The following HGS variants were observed in gnomAD, a reference collection of about 807,000 sequenced individuals.
HGS encodes the protein human growth factor-regulated tyrosine kinase substrate.
A neutral mutation model predicts 109.7 loss-of-function variants in HGS; 63 were observed. The ratio of observed to expected loss-of-function variants is 0.57; its 90% CI spans 0.47 to 0.71. The LOEUF (loss-of-function observed/expected upper bound fraction) is 0.71. Ranked by LOEUF, HGS falls within the 30% of genes least tolerant of loss-of-function variation. The pLI is 0.00. For missense variants in HGS, 995 were observed against 1,068.3 expected, an observed-to-expected ratio of 0.93 and a Z score of 0.96; for synonymous variants, 546 against 437.3, an observed-to-expected ratio of 1.25 and a Z score of -3.10.
rs1446756811 is a variant in HGS, at chr17:81,691,181, T to G, written c.538-266T>G. Reference sequence around the variant, plus strand: ...CACTGCACTCACAAAAGCTCTTGTTTTATCAGCAGAATTGATGTGTATTTT... The same window carrying G: ...CACTGCACTCACAAAAGCTCTTGTTGTATCAGCAGAATTGATGTGTATTTT... On this transcript the variant is annotated intron_variant, in intron 7 of 21. Coordinates refer to ENST00000329138, the MANE Select transcript of HGS (RefSeq NM_004712.5). The surrounding 1 kb of genome is among the most constrained non-coding windows in gnomAD (Gnocchi z 5.3). 6 of 495,120 alleles carry G rather than the reference T, an allele frequency of 1.2e-5. No homozygotes were observed. Among genetic ancestry groups the G allele is most frequent in the Non-Finnish European group, 3.7e-6 (1 of 272,078 alleles). 30.7% of individuals were successfully genotyped at this position (495,120 alleles called of 1,614,324 possible).
chr17:81,684,166 T>G, intron 1 of HGS, 63 bp downstream of exon 1: 10 of 1,269,870 alleles, frequency 7.9e-6, no homozygotes, highest in Non-Finnish European at 9.3e-6. Flanking sequence ...CGGCGCTGAG[T>G]CAGCGCGGCC....
rs1197317754 is a variant in HGS, at chr17:81,687,086, C to G, written c.282C>G (p.Asp94Glu). 1.9e-6 allele frequency: 3 copies of G among 1,612,622 alleles called. No homozygotes were observed. The highest frequency in any genetic ancestry group is 2.5e-6 in the Non-Finnish European group (3 of 1,179,526). ...ANKQTMEELK[D>E]LLKRQVEVNV... ...AGCAGACCATGGAGGAGCTGAAGGA[C>G]CTGCTGAAGGTGGGTGAGACGGGGG... The change falls in exon 4 of 22, where the codon GAC becomes GAG. Residue 94 changes from aspartate (D) to glutamate (E), a missense_variant. Coordinates refer to ENST00000329138, the MANE Select transcript of HGS (RefSeq NM_004712.5).
chr17:81,697,500 G>C (rs2037172662), intron 18 of HGS: 1 of 152,764 alleles, frequency 6.5e-6, no homozygotes, highest in Non-Finnish European at 1.5e-5. Context: ...CCATAAGGCT[G>C]TGCTTTTCTC....
In HGS at chr17:81,693,631, T is replaced by C. The variant is rs554885096; in HGVS notation, c.742-23T>C. On this transcript the variant is annotated intron_variant, in intron 9 of 21. Transcript: ENST00000329138. ...GGCACCTCTTCCCCGGCGCCCCCCC[T>C]CACCCTCCCCGCTTGTCCTCAGCTG... is the stretch of plus-strand genomic sequence containing the variant. 17 of 1,267,156 alleles carry C rather than the reference T, an allele frequency of 1.3e-5. No homozygotes were observed. The African/African-American group carries it at 2.2e-4, about 16-fold the overall frequency. The allele number at this position is 1,267,156 out of a possible 1,614,324, so 78.5% of individuals were successfully genotyped here.
chr17:81,701,612 C>G lies in HGS; in HGVS notation c.2328C>G (p.Phe776Leu). ...AQGSEAQLIS[F>L]D ...GCAGCGAGGCCCAGCTCATTTCATT[C>G]GACTGACCCAGGCCATGCTCACGTC... The change falls in exon 22 of 22, where the codon TTC becomes TTG. Residue 776 changes from phenylalanine to leucine, a missense_variant. Transcript: ENST00000329138. 5 of 1,564,200 alleles carry G rather than the reference C, an allele frequency of 3.2e-6. No homozygotes were observed. The highest frequency in any genetic ancestry group is 4.3e-6 in the Non-Finnish European group (5 of 1,161,676).
rs554750460 is a variant in HGS, at chr17:81,693,422, C to G, written c.663-81C>G. On this transcript the variant is annotated intron_variant, in intron 8 of 21. Transcript: ENST00000329138. ...CTCTGTGGGGACACTTAGAGGAGCC[C>G]GCAGAGGTGTGGTTGAGAGCTTTGG... The G allele has an allele frequency of 2.4e-5, 25 of 1,043,716 alleles. No homozygotes were observed. The African/African-American group carries it at 3.9e-4, about 16-fold the overall frequency. The allele number at this position is 1,043,716 out of a possible 1,614,324, so 64.7% of individuals were successfully genotyped here. A position where few individuals can be genotyped will look rare whatever the true frequency, so the allele number is the denominator to read the frequency against.
In HGS at chr17:81,690,665, C is replaced by A; in HGVS notation, c.469-9C>A. 6.2e-7 allele frequency: 1 copy of A among 1,611,002 alleles called. No individual in the cohort carries two copies. The highest frequency in any genetic ancestry group is 1.1e-5 in the South Asian group (1 of 90,768). On this transcript the variant is annotated splice_polypyrimidine_tract_variant and intron_variant, in intron 6 of 21. Coordinates refer to ENST00000329138, the MANE Select transcript of HGS (RefSeq NM_004712.5). The stretch of plus-strand genomic sequence containing the variant: ...GAAGCGTGTGGTCCTGACTGCTGCC[C>A]CTCCTCAGGCCCCAGACTGGGTGGA...
intron 4 of HGS, among the ~76,000 whole-genome samples, chr17:81,687,338 G>A (rs992913204): frequency 6.6e-6 from 1 of 152,344 alleles, no homozygotes. Context: ...GGAGGACCAA[G>A]GTGACAGCGA....
chr17:81,686,295 C>G lies in HGS; in HGVS notation c.123-17C>G. The stretch of plus-strand genomic sequence containing the variant: ...TTTTCCCGTTTTTCTCTGCTTTTAT[C>G]AATGTTTCCTTTTCAGAGCAAAATA... On this transcript the variant is annotated splice_polypyrimidine_tract_variant and intron_variant, in intron 2 of 21. Coordinates refer to ENST00000329138, the MANE Select transcript of HGS (RefSeq NM_004712.5). 1 of 1,606,564 alleles carries G rather than the reference C, an allele frequency of 6.2e-7. No homozygotes were observed. The highest frequency in any genetic ancestry group is 8.5e-7 in the Non-Finnish European group (1 of 1,173,994).
chr17:81,701,091 A>G lies in HGS; in HGVS notation c.2183A>G (p.Gln728Arg). 2 of 1,614,032 alleles carry G rather than the reference A, an allele frequency of 1.2e-6. No individual in the cohort carries two copies. Among genetic ancestry groups the G allele is most frequent in the Admixed American group, 1.7e-5 (1 of 60,030 alleles). ...LPSQDASLPP[Q>R]QPYIAGQQPM... The stretch of plus-strand genomic sequence containing the variant: ...AGCCAGGATGCGTCTCTGCCACCCC[A>G]GCAGCCCTACATCGCGGGGCAGCAG... The change falls in exon 21 of 22, where the codon CAG becomes CGG. Residue 728 changes from glutamine to arginine, a missense_variant. Coordinates refer to ENST00000329138, the MANE Select transcript of HGS (RefSeq NM_004712.5).
chr17:81,698,330 GCCCA>G (rs2037185281), intron 18 of HGS: 1 of 152,254 alleles, frequency 6.6e-6, no homozygotes, highest in Non-Finnish European at 1.5e-5. Flanking sequence ...TTTCTGTGTT[GCCCA>G]AGCTGACCTC....
In HGS at chr17:81,701,648, C is replaced by T. The variant is rs1438990517; in HGVS notation, c.*30C>T. 1 of 1,531,092 alleles carries T rather than the reference C, an allele frequency of 6.5e-7. No individual in the cohort carries two copies. The highest frequency in any genetic ancestry group is 1.2e-5 in the South Asian group (1 of 84,128). The allele number at this position is 1,531,092 out of a possible 1,614,324, so 94.8% of individuals were successfully genotyped here. Reference sequence around the variant, plus strand: ...GGCCATGCTCACGTCCGGAGTAACACTACATACAGTTCACCTGAAACGCCT... The same window carrying T: ...GGCCATGCTCACGTCCGGAGTAACATTACATACAGTTCACCTGAAACGCCT... On this transcript the variant is annotated 3_prime_UTR_variant, in exon 22 of 22. Coordinates refer to ENST00000329138, the MANE Select transcript of HGS (RefSeq NM_004712.5).
In HGS at chr17:81,691,650, G is replaced by C. The variant is rs2037065092; in HGVS notation, c.662+79G>C. ...GTTTTCTGTCCCTCTTGGCCATGGT[G>C]CCTGAGGCCTGCAGACCCCAGAGGA... On this transcript the variant is annotated intron_variant, in intron 8 of 21. Coordinates refer to ENST00000329138, the MANE Select transcript of HGS (RefSeq NM_004712.5). The surrounding 1 kb of genome is among the most constrained non-coding windows in gnomAD (Gnocchi z 5.3). 1 of 1,560,696 alleles carries C rather than the reference G, an allele frequency of 6.4e-7. No homozygotes were observed. The highest frequency in any genetic ancestry group is 8.8e-7 in the Non-Finnish European group (1 of 1,138,618).
chr17:81,688,869 C>T (rs903843851), intron 5 of HGS, 42 bp downstream of exon 5: 1 of 1,612,830 alleles, frequency 6.2e-7, no homozygotes, highest in Non-Finnish European at 8.5e-7. Context: ...AGGCTTGGAA[C>T]TGCTGGGCAG....
intron 21 of HGS, 53 bp downstream of exon 21, chr17:81,701,184 C>G: frequency 1.3e-6 from 2 of 1,496,546 alleles, no homozygotes; most frequent in South Asian, 2.3e-5. Context: ...CCTCAGGCTT[C>G]ACGGTTTAGC....
rs566203919 is a variant in HGS, at chr17:81,690,935, C to A, written c.537+193C>A. On this transcript the variant is annotated intron_variant, in intron 7 of 21. Coordinates refer to ENST00000329138, the MANE Select transcript of HGS (RefSeq NM_004712.5). ...CCACGTAAGGGCCTGATGCCACTGC[C>A]TGGGCCGGGCCCAGCCTCACTCTGG... 7.1e-5 allele frequency: 39 copies of A among 552,776 alleles called. No homozygotes were observed. The Admixed American group carries it at 1.4e-3, about 20-fold the overall frequency. 34.2% of individuals were successfully genotyped at this position (552,776 alleles called of 1,614,324 possible). A position where few individuals can be genotyped will look rare whatever the true frequency, so the allele number is the denominator to read the frequency against.
chr17:81,687,046 A>G lies in HGS; in HGVS notation c.242A>G (p.Asp81Gly), dbSNP rs950897954. The stretch of plus-strand genomic sequence containing the variant: ...AAGAACTGTGGCCAGACAGTTCATG[A>G]TGAGGTGGCCAACAAGCAGACCATG... ...VVKNCGQTVH[D>G]EVANKQTMEE... Residue 81 changes from aspartate (D) to glycine (G), a missense_variant, in exon 4 of 22, where the codon GAT becomes GGT. This residue lies in a region of HGS where 182 missense variants were observed against 261.3 expected (regional missense o/e 0.70). Coordinates refer to ENST00000329138, the MANE Select transcript of HGS (RefSeq NM_004712.5). 6.2e-7 allele frequency: 1 copy of G among 1,613,456 alleles called. No homozygotes were observed. The highest frequency in any genetic ancestry group is 8.5e-7 in the Non-Finnish European group (1 of 1,179,944).
intron 18 of HGS, 100 bp from the exon 19 acceptor site, chr17:81,700,367 C>CA (rs367982845): frequency 0.12 from 117,802 of 944,948 alleles, 13 homozygotes; most frequent in Non-Finnish European, 0.13. Context: ...GACTCCATCT[C>CA]AAAAAAAAAA....
At chr17:81,694,024 C>T (rs375352458) in intron 11 of HGS, 59 bp downstream of exon 11, 17 of 1,440,212 alleles carry the variant, frequency 1.2e-5, no homozygotes, top group Admixed American at 6.2e-5. Flanking sequence ...TGATGGGGGA[C>T]GCGGGTCCCT....
Sources: allele counts gnomAD v4.1 joint callset (sites outside exome capture counted in the v4.1 genomes callset), GRCh38; gene constraint gnomAD v4.1.1; regional missense constraint gnomAD v4.1.1; non-coding constraint Gnocchi (gnomAD v3.1); transcripts MANE v1.5; gene names NCBI Gene and HGNC (gene_info 2026-07-23, HGNC 2026-07-21).